TCF19: variants seen among roughly 807,000 people sequenced by gnomAD.
The protein encoded by TCF19 is transcription factor SC1.
A neutral mutation model predicts 18.3 loss-of-function variants in TCF19; 9 were observed. The ratio of observed to expected loss-of-function variants is 0.49; its 90% CI spans 0.30 to 0.86. The LOEUF is 0.86. TCF19 is among the 40% of genes least tolerant of loss of function. The pLI is 0.07. For missense variants in TCF19, 376 were observed against 464.3 expected (o/e 0.81, Z 1.75); for synonymous variants, 176 against 185.3 (o/e 0.95, Z 0.41).
At chr6:31,159,954 G>A (rs912446022) in intron 2 of TCF19, among the ~76,000 whole-genome samples, 8 of 152,220 alleles carry the variant, frequency 5.3e-5, no homozygotes, top group Non-Finnish European at 1.0e-4. Context: ...TATCACAGTG[G>A]GGATGTTCTG....
chr6:31,162,361 GTTCTCAGACCACT>G lies in TCF19; in HGVS notation c.798-115_798-103del. ...AAGGACAGAGTCCAGGCTCACCTTA[GTTCTCAGACCACT>G]GTGCCTCTGTGGCCTCACCCTATGA... is the stretch of plus-strand genomic sequence containing the variant. On this transcript the variant is annotated intron_variant, in intron 3 of 3. Coordinates refer to ENST00000376257, the MANE Select transcript of TCF19 (RefSeq NM_007109.3). The surrounding 1 kb of genome is among the most constrained non-coding windows in gnomAD (Gnocchi z 4.5). 3.5e-6 allele frequency: 5 copies of G among 1,428,286 alleles called. No individual in the cohort carries two copies. Among genetic ancestry groups the G allele is most frequent in the Non-Finnish European group, 4.7e-6 (5 of 1,058,302 alleles). The allele number at this position is 1,428,286 out of a possible 1,614,324, so 88.5% of individuals were successfully genotyped here.
chr6:31,160,420 G>A (rs572676355), intron 2 of TCF19, among the ~76,000 whole-genome samples: 4 of 151,870 alleles, frequency 2.6e-5, no homozygotes, highest in Non-Finnish European at 5.9e-5. Flanking sequence ...ACCAGCCTGG[G>A]CAACATGGTG....
At position 31,161,532 on chromosome 6, in the gene TCF19, GC is replaced by G; in HGVS notation, c.329del (p.Pro110GlnfsTer65). 5 of 1,569,720 alleles carry G rather than the reference GC, an allele frequency of 3.2e-6. No individual in the cohort carries two copies. The highest frequency in any genetic ancestry group is 2.0e-5 in the Admixed American group (1 of 51,168). Reference protein sequence around the residue: ...GDLLTFGPEGPPGTSPSEFYF... With the variant: ...GDLLTFGPEGXPGTSPSEFYF... ...ACCTCCTGACCTTTGGCCCTGAAGG[GC>G]CCCCAGGAACCAGCCCCTCGGAGTT... On this transcript the variant is annotated frameshift_variant, in exon 3 of 4. Coordinates refer to ENST00000376257, the MANE Select transcript of TCF19 (RefSeq NM_007109.3). LOFTEE classifies it high-confidence loss of function.
In TCF19 at chr6:31,163,431, T is replaced by C. The variant is rs1043785692; in HGVS notation, c.*714T>C. On this transcript the variant is annotated 3_prime_UTR_variant, in exon 4 of 4. Transcript: ENST00000376257. ...TAGGAATACAGGTAATTAAGGTTTC[T>C]AGTTTAAGGGAAAACAGATCTATTG... 21 of 985,386 alleles carry C rather than the reference T, an allele frequency of 2.1e-5. No homozygotes were observed. The highest frequency in any genetic ancestry group is 4.7e-5 in the South Asian group (1 of 21,296). 61.0% of individuals were successfully genotyped at this position (985,386 alleles called of 1,614,324 possible). A position where few individuals can be genotyped will look rare whatever the true frequency, so the allele number is the denominator to read the frequency against.
rs1292104006 is a variant in TCF19, at chr6:31,159,374, C to G, written c.-96C>G. On this transcript the variant is annotated 5_prime_UTR_variant, in exon 2 of 4. Transcript: ENST00000376257. ...CAGCACAACTCAAGTTTGCATCAGA[C>G]TGGGAAGCGAACTTAAGCCAGCGGT... is the stretch of plus-strand genomic sequence containing the variant. 50 of 1,149,828 alleles carry G rather than the reference C, an allele frequency of 4.3e-5. No homozygotes were observed. The allele number at this position is 1,149,828 out of a possible 1,614,324, so 71.2% of individuals were successfully genotyped here.
Position 31,161,476 on chromosome 6 carries a change from A to G in TCF19, c.268A>G (p.Arg90Gly). The stretch of plus-strand genomic sequence containing the variant: ...TTTGGTCAATAATGTCCGACTCCCA[A>G]GAGGTCACAGGCTGGAATTGAGTGA... The part of the protein sequence containing the change: ...GTLVNNVRLP[R>G]GHRLELSDGD... Residue 90 changes from arginine (R) to glycine (G), a missense_variant, in exon 3 of 4, where the codon AGA becomes GGA. Physicochemically the swap from Arg to Gly is moderately radical, Grantham distance 125. Transcript: ENST00000376257. 3.5e-6 allele frequency: 5 copies of G among 1,440,966 alleles called. No homozygotes were observed. In the South Asian group the frequency reaches 4.8e-5, roughly 14 times the overall value. The allele number at this position is 1,440,966 out of a possible 1,614,324, so 89.3% of individuals were successfully genotyped here.
Position 31,163,863 on chromosome 6 carries a change from C to T in TCF19, c.*1146C>T. ...GAAGAAATGACTCTGGGGCAAAGAC[C>T]CCTAATGAACTAGTGGCAGAGCCAG... On this transcript the variant is annotated 3_prime_UTR_variant, in exon 4 of 4. Coordinates refer to ENST00000376257, the MANE Select transcript of TCF19 (RefSeq NM_007109.3). 3.0e-6 allele frequency: 3 copies of T among 985,320 alleles called. No individual in the cohort carries two copies. The East Asian group carries it at 3.4e-4, about 112-fold the overall frequency. 61.0% of individuals were successfully genotyped at this position (985,320 alleles called of 1,614,324 possible). A position where few individuals can be genotyped will look rare whatever the true frequency, so the allele number is the denominator to read the frequency against.
At position 31,164,201 on chromosome 6, in the gene TCF19, T is replaced by C; in HGVS notation, c.*1484T>C. Reference sequence around the variant, plus strand: ...ATCACAGGGCCCTGTACAAATAAACTTGGCTGCAATCCCAGCTCTCCCTCT... The same window carrying C: ...ATCACAGGGCCCTGTACAAATAAACCTGGCTGCAATCCCAGCTCTCCCTCT... On this transcript the variant is annotated 3_prime_UTR_variant, in exon 4 of 4. Coordinates refer to ENST00000376257, the MANE Select transcript of TCF19 (RefSeq NM_007109.3). 2 of 1,199,244 alleles carry C rather than the reference T, an allele frequency of 1.7e-6. No individual in the cohort carries two copies. Among genetic ancestry groups the C allele is most frequent in the Non-Finnish European group, 2.1e-6 (2 of 955,668 alleles). 74.3% of individuals were successfully genotyped at this position (1,199,244 alleles called of 1,614,324 possible).
At position 31,163,189 on chromosome 6, in the gene TCF19, T is replaced by A. The variant is rs1384431562; in HGVS notation, c.*472T>A. 3 of 998,772 alleles carry A rather than the reference T, an allele frequency of 3.0e-6. No individual in the cohort carries two copies. Among genetic ancestry groups the A allele is most frequent in the Non-Finnish European group, 3.6e-6 (3 of 837,898 alleles). The allele number at this position is 998,772 out of a possible 1,614,324, so 61.9% of individuals were successfully genotyped here. The stretch of plus-strand genomic sequence containing the variant: ...GCCAACAAAATCGTAGCGACCTGGC[T>A]TTTCACAGCTTTGCTTTTATTTCCA... On this transcript the variant is annotated 3_prime_UTR_variant, in exon 4 of 4. Coordinates refer to ENST00000376257, the MANE Select transcript of TCF19 (RefSeq NM_007109.3).
rs1561847313 is a variant in TCF19 at position 31,162,648 on chromosome 6, C to A, written c.969C>A (p.Gly323=). The A allele has an allele frequency of 1.2e-6, 2 of 1,612,776 alleles. No individual in the cohort carries two copies. The highest frequency in any genetic ancestry group is 1.7e-5 in the Admixed American group (1 of 60,002). ...CDVWFHVACV[G]CSIQAAREAD... Reference sequence around the variant, plus strand: ...TCTGGTTCCATGTGGCCTGTGTTGGCTGCAGCATCCAGGCTGCCAGGGAGG... The same window carrying A: ...TCTGGTTCCATGTGGCCTGTGTTGGATGCAGCATCCAGGCTGCCAGGGAGG... The change falls in exon 4 of 4, where the codon GGC becomes GGA. Residue 323 remains glycine (G), a synonymous_variant. Transcript: ENST00000376257. The surrounding 1 kb of genome is among the most constrained non-coding windows in gnomAD (Gnocchi z 4.5).
Position 31,163,326 on chromosome 6 carries a change from C to T in TCF19, c.*609C>T. Reference sequence around the variant, plus strand: ...CTTGGCAAGGTCTGGAGAACTAATTCAGAATCTTAGGGGAAGGGGAGAGAT... The same window carrying T: ...CTTGGCAAGGTCTGGAGAACTAATTTAGAATCTTAGGGGAAGGGGAGAGAT... On this transcript the variant is annotated 3_prime_UTR_variant, in exon 4 of 4. Transcript: ENST00000376257. 2 of 985,984 alleles carry T rather than the reference C, an allele frequency of 2.0e-6. No homozygotes were observed. Among genetic ancestry groups the T allele is most frequent in the Non-Finnish European group, 2.4e-6 (2 of 830,388 alleles). The allele number at this position is 985,984 out of a possible 1,614,324, so 61.1% of individuals were successfully genotyped here. A position where few individuals can be genotyped will look rare whatever the true frequency, so the allele number is the denominator to read the frequency against.
At chr6:31,160,396 C>T (rs1339594107) in intron 2 of TCF19, among the ~76,000 whole-genome samples, 1 of 152,034 alleles carries the variant, frequency 6.6e-6, no homozygotes, top group Non-Finnish European at 1.5e-5. Context: ...ATCACTTGAG[C>T]TCAGGAGTTC....
At position 31,159,696 on chromosome 6, in the gene TCF19, A is replaced by G; in HGVS notation, c.227A>G (p.His76Arg). ...GACTGGAGGGTCAGCCTGGAAGACC[A>G]CAGCAGCCAAGGTGAGCATTAAGCA... ...GDDWRVSLED[H>R]SSQGTLVNNV... is the part of the protein sequence containing the mutation. Residue 76 changes from histidine to arginine, a missense_variant, in exon 2 of 4, where the codon CAC (histidine) becomes CGC (arginine). His to Arg is a conservative substitution (Grantham distance 29). Transcript: ENST00000376257. 6.2e-7 allele frequency: 1 copy of G among 1,614,124 alleles called. No individual in the cohort carries two copies.
Position 31,159,546 on chromosome 6 carries a change from G to T in TCF19, c.77G>T (p.Gly26Val). The change falls in exon 2 of 4, where the codon GGG (glycine) becomes GTG (valine). Residue 26 changes from glycine (G) to valine (V), a missense_variant. Physicochemically the swap from Gly to Val is moderately radical, Grantham distance 109 (BLOSUM62 -3). Coordinates refer to ENST00000376257, the MANE Select transcript of TCF19 (RefSeq NM_007109.3). ...CTCTACACCTTCCACCCCCCCGCCG[G>T]GGCTGGCTGCACCTATCGCTTGGGC... ...GDLYTFHPPA[G>V]AGCTYRLGHR... The T allele has an allele frequency of 6.2e-7, 1 of 1,608,314 alleles. No homozygotes were observed. The highest frequency in any genetic ancestry group is 8.5e-7 in the Non-Finnish European group (1 of 1,178,148).
rs1361314154 is a variant in TCF19 at position 31,161,843 on chromosome 6, G to A, written c.635G>A (p.Gly212Glu). 4 of 1,613,006 alleles carry A rather than the reference G, an allele frequency of 2.5e-6. No individual in the cohort carries two copies. The highest frequency in any genetic ancestry group is 3.4e-6 in the Non-Finnish European group (4 of 1,179,984). Residue 212 changes from glycine to glutamate, a missense_variant, in exon 3 of 4, where the codon GGG becomes GAG. Gly to Glu is a moderately conservative substitution (Grantham distance 98). Coordinates refer to ENST00000376257, the MANE Select transcript of TCF19 (RefSeq NM_007109.3). ...GTTCCCGCCCCACCTGGGGAAATGG[G>A]GACCACGCCTTCTGCTCCACCACAA... ...LPVPAPPGEM[G>E]TTPSAPPQRN...
chr6:31,162,043 C>A lies in TCF19; in HGVS notation c.797+38C>A. 6.4e-7 allele frequency: 1 copy of A among 1,557,926 alleles called. No individual in the cohort carries two copies. Among genetic ancestry groups the A allele is most frequent in the Non-Finnish European group, 8.7e-7 (1 of 1,149,460 alleles). Reference sequence around the variant, plus strand: ...CTCACTTGGCCCTCTCAGTGTTTTACTGCTTTTCGATTCCTTGTATCCCTA... The same window carrying A: ...CTCACTTGGCCCTCTCAGTGTTTTAATGCTTTTCGATTCCTTGTATCCCTA... On this transcript the variant is annotated intron_variant, in intron 3 of 3. Coordinates refer to ENST00000376257, the MANE Select transcript of TCF19 (RefSeq NM_007109.3). The surrounding 1 kb of genome is among the most constrained non-coding windows in gnomAD (Gnocchi z 4.5).
rs777005431 is a variant in TCF19 at position 31,162,658 on chromosome 6, CAGGCTGCCAGGG to C, written c.984_995del (p.Ala329_Ala332del). ...TGTGGCCTGTGTTGGCTGCAGCATC[CAGGCTGCCAGGG>C]AGGCCGACTTCCGATGCCCAGGGTG... On this transcript the variant is annotated inframe_deletion, in exon 4 of 4. Transcript: ENST00000376257. This position sits in a 1 kb window ranked among gnomAD's most constrained non-coding sequence, Gnocchi z 4.5. The C allele has an allele frequency of 2.0e-5, 33 of 1,612,854 alleles. No homozygotes were observed. In the East Asian group the frequency reaches 7.1e-4, roughly 35 times the overall value.
chr6:31,162,514 G>A lies in TCF19; in HGVS notation c.835G>A (p.Ala279Thr), dbSNP rs1776857174. 2.5e-6 allele frequency: 4 copies of A among 1,612,118 alleles called. No homozygotes were observed. The South Asian group carries it at 3.3e-5, about 13-fold the overall frequency. The change falls in exon 4 of 4, where the codon GCT becomes ACT. Residue 279 changes from alanine (A) to threonine (T), a missense_variant. Transcript: ENST00000376257. This position sits in a 1 kb window ranked among gnomAD's most constrained non-coding sequence, Gnocchi z 4.5. The part of the protein sequence containing the change: ...RGRPRKYPVS[A>T]PMAPPAVGGG... The stretch of plus-strand genomic sequence containing the variant: ...CCGTCCTCGGAAGTACCCAGTGAGC[G>A]CTCCCATGGCTCCCCCTGCAGTTGG...
Position 31,159,666 on chromosome 6 carries a change from G to T in TCF19, c.197G>T (p.Gly66Val). 6.2e-7 allele frequency: 1 copy of T among 1,614,118 alleles called. No homozygotes were observed. Among genetic ancestry groups the T allele is most frequent in the South Asian group, 1.1e-5 (1 of 91,082 alleles). The change falls in exon 2 of 4, where the codon GGT (glycine) becomes GTT (valine). Residue 66 changes from glycine to valine, a missense_variant. Coordinates refer to ENST00000376257, the MANE Select transcript of TCF19 (RefSeq NM_007109.3). ...GCCGAACTGCATGCCGAGCCCCGGGGTGATGACTGGAGGGTCAGCCTGGAA... is the reference window on the plus strand; with the variant it reads ...GCCGAACTGCATGCCGAGCCCCGGGTTGATGACTGGAGGGTCAGCCTGGAA... Reference protein sequence around the residue: ...IHAELHAEPRGDDWRVSLEDH... With the variant: ...IHAELHAEPRVDDWRVSLEDH...
Sources: gnomAD v4.1 joint callset for allele counts (sites outside exome capture counted in the v4.1 genomes callset) on GRCh38, gnomAD v4.1.1 for gene constraint, Gnocchi (gnomAD v3.1) non-coding constraint, MANE v1.5 for transcripts, NCBI Gene and HGNC (gene_info 2026-07-23, HGNC 2026-07-21) for gene names.